Variants in SNX14 observed in about 807,000 individuals in gnomAD.
SNX14 encodes the protein sorting nexin-14.
In SNX14, 93 loss-of-function variants were observed where a neutral mutation model predicts 133.8. That is an observed-to-expected ratio of 0.70 (90% CI 0.59 to 0.83). The LOEUF is 0.83. Ranked by LOEUF, SNX14 falls within the 40% of genes least tolerant of loss-of-function variation. The pLI, the probability that SNX14 is intolerant of heterozygous loss-of-function variation, is 0.00. For missense variants in SNX14, 945 were observed against 1,094.9 expected (o/e 0.86, Z 1.93); for synonymous variants, 368 against 365.6 (o/e 1.01, Z -0.07).
rs555065395 is a variant in SNX14 at position 85,573,643 on chromosome 6, G to A, written c.261+615C>T. 6.6e-5 allele frequency among the ~76,000 whole-genome samples: 10 copies of A among 152,212 alleles called. No homozygotes were observed. The Middle Eastern group carries it at 0.01, about 155-fold the overall frequency. ...TGCCTAATTATATCTCTGTTTCTAT[G>A]AAGCACACAAACATTTAAGAATTTA... On this transcript the variant is annotated intron_variant, in intron 2 of 28. Transcript: ENST00000314673.
chr6:85,583,056 A>C (rs7752436), intron 1 of SNX14, among the ~76,000 whole-genome samples: 1 of 151,536 alleles, frequency 6.6e-6, no homozygotes, highest in African/African-American at 2.4e-5. Flanking sequence ...CAGCACATCC[A>C]CCATGATCAA....
In SNX14 at chr6:85,533,743, G is replaced by T; in HGVS notation, c.1666C>A (p.Pro556Thr). The change falls in exon 18 of 29, where the codon CCT becomes ACT. Residue 556 changes from proline (P) to threonine (T), a missense_variant. Physicochemically the swap from Pro to Thr is conservative, Grantham distance 38 (BLOSUM62 -1). This residue lies in a region of SNX14 where 412 missense variants were observed against 516.6 expected (regional missense o/e 0.80). Coordinates refer to ENST00000314673, the MANE Select transcript of SNX14 (RefSeq NM_153816.6). ...DDSPVEAVST[P>T]NTPRNLAAWK... ...GCAGCAAGGTTTCGGGGAGTATTAG[G>T]TGTGCTCACAGCCTCCACTGGAGAA... 1 of 1,613,908 alleles carries T rather than the reference G, an allele frequency of 6.2e-7. No individual in the cohort carries two copies.
Position 85,541,976 on chromosome 6 carries a change from A to G in SNX14, c.1448+9T>C. On this transcript the variant is annotated intron_variant, in intron 15 of 28. Transcript: ENST00000314673. ...ATCAGCAAGTTCAAAAACAAAACAT[A>G]CAACCTACCTGTTCAATTTTGAATT... The G allele has an allele frequency of 6.3e-7, 1 of 1,588,678 alleles. No individual in the cohort carries two copies. The highest frequency in any genetic ancestry group is 8.5e-7 in the Non-Finnish European group (1 of 1,169,678).
At chr6:85,574,860 C>T (rs977543377) in intron 1 of SNX14, among the ~76,000 whole-genome samples, 2 of 152,002 alleles carry the variant, frequency 1.3e-5, no homozygotes, top group African/African-American at 2.4e-5. Flanking sequence ...AAGCACAATA[C>T]TATGTGATCA....
At chr6:85,577,968 G>T (rs933576762) in intron 1 of SNX14, among the ~76,000 whole-genome samples, 1 of 152,188 alleles carries the variant, frequency 6.6e-6, no homozygotes, top group Admixed American at 6.5e-5. Flanking sequence ...GAGTGAGATG[G>T]AGGTGAGGAA....
chr6:85,566,934 C>T (rs1326509535), intron 5 of SNX14, among the ~76,000 whole-genome samples: 3 of 151,966 alleles, frequency 2.0e-5, no homozygotes, highest in Admixed American at 6.6e-5. Context: ...TCTTCAAAAG[C>T]ACAAGGCCCT....
At chr6:85,573,049 G>A (rs570518506) in intron 2 of SNX14, among the ~76,000 whole-genome samples, 47 of 152,330 alleles carry the variant, frequency 3.1e-4, no homozygotes, top group African/African-American at 1.1e-3. Context: ...TGAATTCAAT[G>A]ACAAAGGTAC....
At chr6:85,549,371 T>C (rs1042993198) in intron 8 of SNX14, among the ~76,000 whole-genome samples, 1 of 152,138 alleles carries the variant, frequency 6.6e-6, no homozygotes, top group Non-Finnish European at 1.5e-5. Context: ...ATATAGTTTG[T>C]TCAAATGTTT....
At position 85,528,264 on chromosome 6, in the gene SNX14, G is replaced by A. The variant is rs769377902; in HGVS notation, c.1993C>T (p.Gln665Ter). Residue 665 changes from glutamine (Q) to a stop codon, truncating the protein, a stop_gained and splice_region_variant, in exon 20 of 29, where the codon CAG becomes TAG. Coordinates refer to ENST00000314673, the MANE Select transcript of SNX14 (RefSeq NM_153816.6). LOFTEE classifies it high-confidence loss of function. The stretch of plus-strand genomic sequence containing the variant: ...AATTAATACAGTTGATGTTATACCT[G>A]TAGATATTCTTGGAACTCTTCCCTC... The part of the protein sequence containing the change: ...SKREEFQEYL[Q>*]KLLQHPELSN... 8 of 1,602,716 alleles carry A rather than the reference G, an allele frequency of 5.0e-6. No individual in the cohort carries two copies. Among genetic ancestry groups the A allele is most frequent in the South Asian group, 2.2e-5 (2 of 90,584 alleles).
chr6:85,507,406 G>C (rs1771083780), intron 27 of SNX14, 117 bp from the exon 28 acceptor site: 1 of 742,270 alleles, frequency 1.3e-6, no homozygotes, highest in Non-Finnish European at 2.2e-6. Context: ...GCAGGGAATG[G>C]GACTGATAAT....
chr6:85,587,529 G>A (rs1801330823), intron 1 of SNX14, among the ~76,000 whole-genome samples: 1 of 152,144 alleles, frequency 6.6e-6, no homozygotes, highest in South Asian at 2.1e-4. Context: ...GTAGTAGCAT[G>A]ATCAGAGCTT....
rs148079084 is a variant in SNX14 at position 85,506,607 on chromosome 6, T to C, written c.2803-602A>G. Among the ~76,000 whole-genome samples, 170 of 152,328 alleles carry C rather than the reference T, an allele frequency of 1.1e-3. 1 individual carries two copies. Among genetic ancestry groups the C allele is most frequent in the African/African-American group, 4.0e-3 (165 of 41,576 alleles). The stretch of plus-strand genomic sequence containing the variant: ...CTGGGATTACAGGCGTGAGCCACCG[T>C]GCCCAGTCAACTTGAAAGTTTATAA... On this transcript the variant is annotated intron_variant, in intron 28 of 28. Coordinates refer to ENST00000314673, the MANE Select transcript of SNX14 (RefSeq NM_153816.6).
chr6:85,556,744 T>A (rs1040528299), intron 7 of SNX14, among the ~76,000 whole-genome samples: 4 of 152,116 alleles, frequency 2.6e-5, no homozygotes, highest in Non-Finnish European at 5.9e-5. Context: ...TGAGCCACCA[T>A]GCTCACCCTC....
intron 19 of SNX14, among the ~76,000 whole-genome samples, chr6:85,529,663 T>A (rs1779624181): frequency 6.6e-6 from 1 of 152,180 alleles, no homozygotes; most frequent in Non-Finnish European, 1.5e-5. Context: ...CCTATAATAA[T>A]CATCCTTATC....
At chr6:85,520,649 C>T (rs760232976) in intron 21 of SNX14, among the ~76,000 whole-genome samples, 2 of 152,282 alleles carry the variant, frequency 1.3e-5, no homozygotes, top group South Asian at 2.1e-4. Context: ...TGAGCCACCA[C>T]GCCCAACGAT....
intron 26 of SNX14, among the ~76,000 whole-genome samples, chr6:85,512,053 C>T (rs6911143): frequency 0.52 from 78,583 of 152,036 alleles, 24,063 homozygotes; most frequent in African/African-American, 0.87. Context: ...CCCCCTTGCA[C>T]AGGACAAGAT....
rs576962590 is a variant in SNX14, at chr6:85,566,712, G to GA, written c.461+821dup. On this transcript the variant is annotated intron_variant, in intron 5 of 28. Transcript: ENST00000314673. The stretch of plus-strand genomic sequence containing the variant: ...GACTCCATCTCAAAGAAAAAAAAAA[G>GA]AAAGAAAAGAAAATTCAAAATATAC... Among the ~76,000 whole-genome samples the GA allele has an allele frequency of 7.7e-3, 1,165 of 151,296 alleles. 13 individuals carry two copies. Among genetic ancestry groups the GA allele is most frequent in the African/African-American group, 0.027 (1,125 of 41,258 alleles).
intron 6 of SNX14, among the ~76,000 whole-genome samples, chr6:85,564,383 C>T (rs1200021031): frequency 6.6e-6 from 1 of 152,174 alleles, no homozygotes; most frequent in African/African-American, 2.4e-5. Flanking sequence ...TTTACAGTCC[C>T]ACCAGCAGTG....
At chr6:85,547,576 C>A in intron 9 of SNX14, 26 bp from the exon 10 acceptor site, 2 of 1,541,804 alleles carry the variant, frequency 1.3e-6, no homozygotes, top group East Asian at 2.3e-5. Context: ...AAACATAAGT[C>A]AAAATAATTC....
Sources: allele counts gnomAD v4.1 joint callset (sites outside exome capture counted in the v4.1 genomes callset), GRCh38; gene constraint gnomAD v4.1.1; regional missense constraint gnomAD v4.1.1; transcripts MANE v1.5; gene names NCBI Gene and HGNC (gene_info 2026-07-23, HGNC 2026-07-21).